TET3: variants seen among roughly 807,000 people sequenced by gnomAD.
The protein encoded by TET3 is tet methylcytosine dioxygenase 3.
In TET3, 19 loss-of-function variants were observed where a neutral mutation model predicts 141.4. The ratio of observed to expected loss-of-function variants is 0.13; its 90% CI spans 0.09 to 0.20. The LOEUF is 0.20. TET3 is among the 10% of genes least tolerant of loss of function. TET3 has a pLI of 1.00. For synonymous variants in TET3, 1,043 were observed against 980.9 expected, an observed-to-expected ratio of 1.06 and a Z score of -1.18; for missense variants, 1,874 against 2,356.9, an observed-to-expected ratio of 0.80 and a Z score of 4.24.
chr2:74,062,839 G>C (rs925176346), intron 4 of TET3, among the ~76,000 whole-genome samples: 13 of 150,262 alleles, frequency 8.7e-5, no homozygotes, highest in Non-Finnish European at 1.5e-4. Flanking sequence ...AAAGAGAACC[G>C]TATGCTGAAG....
chr2:74,075,320 CTTT>C (rs971111434), intron 5 of TET3, among the ~76,000 whole-genome samples: 31 of 89,116 alleles, frequency 3.5e-4, no homozygotes, highest in African/African-American at 1.2e-3. Context: ...GAGCCAAATA[CTTT>C]TTTTTTTTTT....
At chr2:74,115,578 A>T in the TET3 span, among the ~76,000 whole-genome samples, 1 of 152,212 alleles carries the variant, frequency 6.6e-6, no homozygotes, top group Non-Finnish European at 1.5e-5. Context: ...GAAATATTTA[A>T]AATTTTGTTA....
intron 3 of TET3, among the ~76,000 whole-genome samples, chr2:74,012,523 G>A (rs1162910337): frequency 6.6e-6 from 1 of 152,186 alleles, no homozygotes; most frequent in Non-Finnish European, 1.5e-5. Flanking sequence ...TTTCAGAAAG[G>A]AAACTGAGAT....
At chr2:74,053,432 A>G (rs377250428) in intron 4 of TET3, among the ~76,000 whole-genome samples, 1 of 152,210 alleles carries the variant, frequency 6.6e-6, no homozygotes, top group Non-Finnish European at 1.5e-5. Context: ...GTGCTCATCT[A>G]GTCACCATCT....
chr2:74,069,132 C>A (rs759608149), intron 4 of TET3, among the ~76,000 whole-genome samples: 1 of 145,958 alleles, frequency 6.9e-6, no homozygotes, highest in Non-Finnish European at 1.5e-5. Context: ...CCTTCTAGCA[C>A]GTGTATAGTT....
chr2:74,023,787 G>C (rs1248563503), intron 3 of TET3, among the ~76,000 whole-genome samples: 3 of 152,038 alleles, frequency 2.0e-5, no homozygotes, highest in Non-Finnish European at 4.4e-5. Context: ...ACAGATGGTG[G>C]TTATATTCCT....
At chr2:74,109,409 A>ATCTT (rs1691648472), downstream of TET3, among the ~76,000 whole-genome samples, 2 of 152,216 alleles carry the variant, frequency 1.3e-5, 1 homozygote. Context: ...CAATCTTGTA[A>ATCTT]TCTTTTTGCA....
chr2:73,984,501 C>T (rs1487747066), upstream of TET3, among the ~76,000 whole-genome samples: 1 of 151,936 alleles, frequency 6.6e-6, no homozygotes, highest in Non-Finnish European at 1.5e-5. This position sits in a 1 kb window ranked among gnomAD's most constrained non-coding sequence, Gnocchi z 5.6. Context: ...CCGGGGCTGT[C>T]CCGGACAGAT....
At position 74,100,426 on chromosome 2, in the gene TET3, G is replaced by T; in HGVS notation, c.3638G>T (p.Gly1213Val). The change falls in exon 12 of 12, where the codon GGC becomes GTC. Residue 1213 changes from glycine to valine, a missense_variant. By Grantham distance (109) the Gly-to-Val change is moderately radical. This residue lies in a region of TET3 where 602 missense variants were observed against 590.2 expected (regional missense o/e 1.02). Coordinates refer to ENST00000409262, the MANE Select transcript of TET3 (RefSeq NM_001287491.2). The part of the protein sequence containing the change: ...LSLKGGLSQQ[G>V]LKPSLKVEPQ... ...CTGAAGGGTGGATTGTCCCAGCAAG[G>T]CCTGAAGCCCTCCCTCAAGGTGGAG... 1.3e-6 allele frequency: 2 copies of T among 1,571,608 alleles called. No homozygotes were observed. Among genetic ancestry groups the T allele is most frequent in the Non-Finnish European group, 1.7e-6 (2 of 1,158,560 alleles).
downstream of TET3, among the ~76,000 whole-genome samples, chr2:74,111,571 A>C (rs912910528): frequency 2.6e-5 from 4 of 152,172 alleles, no homozygotes; most frequent in African/African-American, 9.7e-5. Context: ...ACAGACTACC[A>C]TGTGTAAGCC....
intron 3 of TET3, among the ~76,000 whole-genome samples, chr2:74,021,071 G>A (rs1359892553): frequency 6.6e-6 from 1 of 152,180 alleles, no homozygotes; most frequent in Non-Finnish European, 1.5e-5. Flanking sequence ...ATACTGGATT[G>A]GGGAAAAGAT....
At chr2:74,072,294 C>T (rs904071713) in intron 4 of TET3, among the ~76,000 whole-genome samples, 5 of 152,154 alleles carry the variant, frequency 3.3e-5, no homozygotes, top group African/African-American at 1.2e-4. Context: ...GAGTGGATCA[C>T]CTGAGGTCAG....
In TET3 at chr2:74,047,791, G is replaced by A. The variant is rs986661716; in HGVS notation, c.1874G>A (p.Arg625Gln). 38 of 1,613,508 alleles carry A rather than the reference G, an allele frequency of 2.4e-5. No individual in the cohort carries two copies. The highest frequency in any genetic ancestry group is 2.2e-4 in the Admixed American group (13 of 59,974). Residue 625 changes from arginine to glutamine, a missense_variant, in exon 4 of 12, where the codon CGA becomes CAA. By Grantham distance (43) the Arg-to-Gln change is conservative. Transcript: ENST00000409262. The part of the protein sequence containing the change: ...REAQPLFPPV[R>Q]QIVLEGLRSP... ...GCACAGCCCCTCTTCCCACCTGTCC[G>A]ACAGATTGTCCTGGAAGGGCTTAGG...
chr2:73,996,610 C>T (rs567817295), intron 2 of TET3, among the ~76,000 whole-genome samples: 2 of 152,248 alleles, frequency 1.3e-5, no homozygotes, highest in East Asian at 1.9e-4. Context: ...TGGATTTGAG[C>T]GATTCTCGTG....
At chr2:74,059,365 G>A (rs1435782519) in intron 4 of TET3, among the ~76,000 whole-genome samples, 2 of 152,202 alleles carry the variant, frequency 1.3e-5, no homozygotes, top group African/African-American at 4.8e-5. Context: ...TGATTCTCCT[G>A]GCTCAGACTC....
chr2:74,080,913 GAGGGGTAGGA>G (rs1173655916), intron 6 of TET3, among the ~76,000 whole-genome samples: 1 of 152,222 alleles, frequency 6.6e-6, no homozygotes, highest in Non-Finnish European at 1.5e-5. Flanking sequence ...CTCAGGGCCG[GAGGGGTAGGA>G]AGGGAAACTG....
rs902162840 is a variant in TET3 at position 74,107,372 on chromosome 2, T to C, written c.*5196T>C. On this transcript the variant is annotated 3_prime_UTR_variant, in exon 12 of 12. Transcript: ENST00000409262. Reference sequence around the variant, plus strand: ...TTCCTCATTGGCTTCTATTCTGATATCAGGGATGCTTTTTGTAGTGGTATT... The same window carrying C: ...TTCCTCATTGGCTTCTATTCTGATACCAGGGATGCTTTTTGTAGTGGTATT... 6.6e-6 allele frequency: 1 copy of C among 152,262 alleles called. No individual in the cohort carries two copies. The highest frequency in any genetic ancestry group is 1.5e-5 in the Non-Finnish European group (1 of 68,038). 9.4% of individuals were successfully genotyped at this position (152,262 alleles called of 1,614,324 possible).
At chr2:74,069,066 G>A (rs1039123942) in intron 4 of TET3, among the ~76,000 whole-genome samples, 1 of 151,794 alleles carries the variant, frequency 6.6e-6, no homozygotes, top group African/African-American at 2.4e-5. Flanking sequence ...GGAATTTTAT[G>A]TCATACTTAG....
Position 74,047,519 on chromosome 2 carries a change from C to G in TET3, c.1602C>G (p.His534Gln). 1 of 1,613,420 alleles carries G rather than the reference C, an allele frequency of 6.2e-7. No individual in the cohort carries two copies. Among genetic ancestry groups the G allele is most frequent in the Non-Finnish European group, 8.5e-7 (1 of 1,179,886 alleles). The change falls in exon 4 of 12, where the codon CAC becomes CAG. Residue 534 changes from histidine to glutamine, a missense_variant. This residue lies in a region of TET3 where 484 missense variants were observed against 462.2 expected (regional missense o/e 1.05). Transcript: ENST00000409262. ...AQTALQQHLHHKRSLFLEQVH... is the reference protein window; with the variant it reads ...AQTALQQHLHQKRSLFLEQVH... ...CCGCCCTGCAGCAGCACCTCCACCA[C>G]AAGCGCAGCCTCTTCCTAGAACAGG...
Sources: allele counts gnomAD v4.1 joint callset (sites outside exome capture counted in the v4.1 genomes callset), GRCh38; gene constraint gnomAD v4.1.1; regional missense constraint gnomAD v4.1.1; non-coding constraint Gnocchi (gnomAD v3.1); transcripts MANE v1.5; gene names NCBI Gene and HGNC (gene_info 2026-07-23, HGNC 2026-07-21).